The following LINGO2 variants were observed in gnomAD, a reference collection of about 807,000 sequenced individuals.
LINGO2 encodes the protein leucine-rich repeat and immunoglobulin-like domain-containing nogo receptor-interacting protein 2.
LINGO2 carries 14 observed loss-of-function variants against 30.6 expected under a neutral mutation model. That is an observed-to-expected ratio of 0.46 (90% confidence interval 0.30 to 0.72). The LOEUF (loss-of-function observed/expected upper bound fraction) is 0.72. LINGO2 is among the 30% of genes least tolerant of loss of function. The pLI, the probability that LINGO2 is intolerant of heterozygous loss-of-function variation, is 0.07. For synonymous variants in LINGO2, 317 were observed against 288.5 expected (o/e 1.10, Z -1.00); for missense variants, 729 against 751.7 (o/e 0.97, Z 0.35).
the LINGO2 span, among the ~76,000 whole-genome samples, chr9:29,054,200 T>C: frequency 6.6e-6 from 1 of 152,122 alleles, no homozygotes; most frequent in Admixed American, 6.6e-5. Context: ...AGCAGCCCAA[T>C]TGTACAACAA....
intron 2 of LINGO2, among the ~76,000 whole-genome samples, chr9:28,390,055 C>G (rs1190245264): frequency 1.3e-5 from 2 of 152,098 alleles, no homozygotes; most frequent in Non-Finnish European, 2.9e-5. Flanking sequence ...TGTCTACTAT[C>G]TGCCAGACAA....
intron 1 of LINGO2, among the ~76,000 whole-genome samples, chr9:28,612,696 A>G (rs886951793): frequency 6.6e-6 from 1 of 152,140 alleles, no homozygotes; most frequent in Non-Finnish European, 1.5e-5. Flanking sequence ...ACAGGCTTGT[A>G]AGTAGAAGGC....
the LINGO2 span, among the ~76,000 whole-genome samples, chr9:28,736,245 C>T: frequency 6.6e-6 from 1 of 152,070 alleles, no homozygotes; most frequent in Non-Finnish European, 1.5e-5. Context: ...ATGGACTCAC[C>T]CTGACTGAAA....
the LINGO2 span, among the ~76,000 whole-genome samples, chr9:29,132,346 C>A: frequency 6.6e-6 from 1 of 152,136 alleles, no homozygotes; most frequent in Admixed American, 6.6e-5. Context: ...TCCACTCACA[C>A]CTTTCTGTGT....
chr9:28,291,975 A>C (rs1304928696), intron 4 of LINGO2, among the ~76,000 whole-genome samples: 1 of 152,230 alleles, frequency 6.6e-6, no homozygotes, highest in East Asian at 1.9e-4. Flanking sequence ...AACAATGATC[A>C]GAAACAACCA....
intron 2 of LINGO2, among the ~76,000 whole-genome samples, chr9:28,401,189 G>C (rs757570272): frequency 1.3e-5 from 2 of 151,814 alleles, no homozygotes; most frequent in Admixed American, 6.6e-5. Flanking sequence ...CTTAAAAACC[G>C]AGATAAATGT....
At chr9:28,691,798 T>C in the LINGO2 span, among the ~76,000 whole-genome samples, 3 of 152,178 alleles carry the variant, frequency 2.0e-5, no homozygotes, top group African/African-American at 7.2e-5. Flanking sequence ...ATCTGGCTAC[T>C]AGCAACAATA....
the LINGO2 span, among the ~76,000 whole-genome samples, chr9:29,065,807 A>T: frequency 3.0e-4 from 45 of 151,952 alleles, no homozygotes; most frequent in South Asian, 6.2e-4. Context: ...GAAAGAAAAG[A>T]CAGACAAAAA....
the LINGO2 span, among the ~76,000 whole-genome samples, chr9:29,025,939 G>A: frequency 6.6e-6 from 1 of 152,070 alleles, no homozygotes; most frequent in Admixed American, 6.6e-5. Flanking sequence ...ATGTCTCCCA[G>A]GTTAATCCAT....
rs10715487 is a variant in LINGO2, at chr9:28,315,009, C to CAAA, written c.-245-19646_-245-19644dup. On this transcript the variant is annotated intron_variant, in intron 3 of 5. Coordinates refer to ENST00000379992, the Ensembl canonical transcript of LINGO2. ...TGGGTGACAGAGCAAGACTACGTCT[C>CAAA]AAAAAAAAAAAAAAAAGAAACAAAA... 0.014 allele frequency among the ~76,000 whole-genome samples: 1,694 copies of CAAA among 120,480 alleles called. 94 individuals carry two copies. In the East Asian group the frequency reaches 0.2, roughly 14 times the overall value. 79.0% of individuals were successfully genotyped at this position (120,480 alleles called of 152,430 possible).
Position 28,384,826 on chromosome 9 carries a change from T to TA in LINGO2, c.-278-11959dup, listed in dbSNP as rs34344145. Among the ~76,000 whole-genome samples, 1,034 of 124,654 alleles carry TA rather than the reference T, an allele frequency of 8.3e-3. 33 individuals carry two copies. In the East Asian group the frequency reaches 0.13, roughly 16 times the overall value. The allele number at this position is 124,654 out of a possible 152,430, so 81.8% of individuals were successfully genotyped here. A position where few individuals can be genotyped will look rare whatever the true frequency, so the allele number is the denominator to read the frequency against. On this transcript the variant is annotated intron_variant, in intron 2 of 5. Coordinates refer to ENST00000379992, the Ensembl canonical transcript of LINGO2. ...TCAAAGTTTCAGAGGCTTTGTGTGA[T>TA]AAAAAAAAAAAATGTCTTCACATTT...
chr9:29,121,964 T>G, the LINGO2 span, among the ~76,000 whole-genome samples: 142 of 152,168 alleles, frequency 9.3e-4, no homozygotes, highest in African/African-American at 3.2e-3. Flanking sequence ...ATGCATATTA[T>G]TTGGAAATAC....
chr9:29,180,834 C>A, the LINGO2 span, among the ~76,000 whole-genome samples: 7 of 151,978 alleles, frequency 4.6e-5, no homozygotes, highest in Admixed American at 2.0e-4. Context: ...TATCCAAGAT[C>A]GCAAAATAAC....
chr9:28,572,529 G>C (rs1823746112), intron 1 of LINGO2, among the ~76,000 whole-genome samples: 1 of 152,030 alleles, frequency 6.6e-6, no homozygotes, highest in African/African-American at 2.4e-5. Context: ...GCTCTTCATG[G>C]TCTGCTCTTG....
At chr9:28,478,343 T>A in intron 1 of LINGO2, among the ~76,000 whole-genome samples, 1 of 152,224 alleles carries the variant, frequency 6.6e-6, no homozygotes, top group South Asian at 2.1e-4. Context: ...TTTTTTTTTC[T>A]CAGTTTGATT....
chr9:28,644,787 A>AGT (rs1563888964), intron 1 of LINGO2, among the ~76,000 whole-genome samples: 2 of 152,044 alleles, frequency 1.3e-5, no homozygotes, highest in African/African-American at 4.8e-5. Flanking sequence ...GTATCAAAAC[A>AGT]TCTCCTGCAC....
intron 2 of LINGO2, among the ~76,000 whole-genome samples, chr9:28,469,874 T>C (rs1293690506): frequency 2.0e-5 from 3 of 152,104 alleles, no homozygotes; most frequent in Non-Finnish European, 4.4e-5. Flanking sequence ...CTCAAAGTCA[T>C]ATGAAAATAT....
intron 4 of LINGO2, among the ~76,000 whole-genome samples, chr9:28,096,924 G>C (rs575380641): frequency 6.6e-6 from 1 of 151,958 alleles, no homozygotes; most frequent in South Asian, 2.1e-4. Flanking sequence ...TTACTGACCT[G>C]TTCTGTATGT....
chr9:28,064,517 G>GC (rs1237325002), intron 4 of LINGO2, among the ~76,000 whole-genome samples: 1 of 152,140 alleles, frequency 6.6e-6, no homozygotes, highest in African/African-American at 2.4e-5. Flanking sequence ...ACTGTTGATA[G>GC]CAACGGGACT....
Sources: allele counts gnomAD v4.1 joint callset (sites outside exome capture counted in the v4.1 genomes callset), GRCh38; gene constraint gnomAD v4.1.1; transcripts MANE v1.5; gene names NCBI Gene and HGNC (gene_info 2026-07-23, HGNC 2026-07-21).